Variants in FIRRM observed in about 807,000 individuals in gnomAD.
The protein encoded by FIRRM is FIGNL1-interacting regulator of recombination and mitosis.
the FIRRM span, chr1:169,850,346 G>A: frequency 6.3e-7 from 1 of 1,596,556 alleles, no homozygotes; most frequent in Non-Finnish European, 8.6e-7. Flanking sequence ...TCTGGAGAAG[G>A]TACTTTCTTT....
the FIRRM span, chr1:169,798,982 A>C: frequency 8.7e-6 from 9 of 1,030,412 alleles, no homozygotes; most frequent in African/African-American, 1.5e-4. Context: ...TTTTAACTGT[A>C]TGATGTACTT....
chr1:169,800,811 T>TACTACCAA, the FIRRM span: 1 of 649,936 alleles, frequency 1.5e-6, no homozygotes, highest in Non-Finnish European at 2.7e-6. Context: ...TATTCTTGCA[T>TACTACCAA]TTAATAAAGG....
At chr1:169,790,121 G>T in the FIRRM span, among the ~76,000 whole-genome samples, 1 of 152,174 alleles carries the variant, frequency 6.6e-6, no homozygotes, top group East Asian at 1.9e-4. Flanking sequence ...TTTGCTGCCA[G>T]CTATCTTGGG....
chr1:169,803,686 C>T, the FIRRM span, among the ~76,000 whole-genome samples: 3 of 152,066 alleles, frequency 2.0e-5, no homozygotes, highest in Non-Finnish European at 4.4e-5. Context: ...TTATTTAGTC[C>T]ATCTCTACAT....
the FIRRM span, chr1:169,852,806 C>T: frequency 1.2e-6 from 2 of 1,613,800 alleles, no homozygotes; most frequent in Non-Finnish European, 1.7e-6. Context: ...GCAAAAAGAG[C>T]TCGTCAGGAG....
chr1:169,811,941 A>G, the FIRRM span, among the ~76,000 whole-genome samples: 1 of 151,810 alleles, frequency 6.6e-6, no homozygotes, highest in African/African-American at 2.4e-5. Flanking sequence ...GAAACAAAGA[A>G]AGAAAGAAAG....
At chr1:169,804,093 T>C in the FIRRM span, 1 of 1,513,380 alleles carries the variant, frequency 6.6e-7, no homozygotes, top group Non-Finnish European at 8.8e-7. Flanking sequence ...ATCTGTGTAT[T>C]CTGGGTGTTT....
chr1:169,853,926 G>T, the FIRRM span: 1 of 817,974 alleles, frequency 1.2e-6, no homozygotes. Flanking sequence ...CTAACAGAAA[G>T]TTGAAAAGTA....
At chr1:169,801,852 A>C in the FIRRM span, among the ~76,000 whole-genome samples, 2 of 152,204 alleles carry the variant, frequency 1.3e-5, no homozygotes, top group Non-Finnish European at 2.9e-5. Flanking sequence ...GTAATCTTTC[A>C]AATTTCTTGT....
chr1:169,834,104 C>G, the FIRRM span, among the ~76,000 whole-genome samples: 1 of 151,938 alleles, frequency 6.6e-6, no homozygotes, highest in African/African-American at 2.4e-5. Context: ...AATGAATTAG[C>G]TATGAGGTCT....
At chr1:169,819,844 A>G in the FIRRM span, among the ~76,000 whole-genome samples, 15 of 152,292 alleles carry the variant, frequency 9.8e-5, 2 homozygotes, top group African/African-American at 2.4e-5. Flanking sequence ...GGTCACACAG[A>G]TATCAACCAG....
the FIRRM span, chr1:169,802,698 C>T: frequency 6.2e-7 from 1 of 1,609,898 alleles, no homozygotes; most frequent in Non-Finnish European, 8.5e-7. Context: ...ATTTGGAAAT[C>T]CAGACCACTC....
chr1:169,841,263 G>A, the FIRRM span, among the ~76,000 whole-genome samples: 1 of 152,074 alleles, frequency 6.6e-6, no homozygotes, highest in Non-Finnish European at 1.5e-5. Flanking sequence ...TTATTGATTT[G>A]CATATGTTGA....
the FIRRM span, chr1:169,795,704 G>T: frequency 1.0e-6 from 1 of 985,746 alleles, no homozygotes; most frequent in Non-Finnish European, 1.2e-6. Context: ...AAAGGGCATA[G>T]TTCTGTGGTG....
the FIRRM span, among the ~76,000 whole-genome samples, chr1:169,831,579 A>T: frequency 6.6e-6 from 1 of 152,188 alleles, no homozygotes; most frequent in African/African-American, 2.4e-5. Context: ...ATAAAGAGTG[A>T]TTTTTATGTT....
chr1:169,833,229 G>A, the FIRRM span, among the ~76,000 whole-genome samples: 1 of 152,106 alleles, frequency 6.6e-6, no homozygotes, highest in Non-Finnish European at 1.5e-5. Context: ...ACTGTTGTAG[G>A]AGCTCTTTTA....
At chr1:169,801,318 G>T in the FIRRM span, among the ~76,000 whole-genome samples, 2 of 151,960 alleles carry the variant, frequency 1.3e-5, no homozygotes, top group South Asian at 2.1e-4. Flanking sequence ...GGTGGCAGGT[G>T]CCTGTAATCC....
the FIRRM span, chr1:169,842,501 G>A: frequency 3.1e-6 from 5 of 1,613,890 alleles, 1 homozygote; most frequent in South Asian, 4.4e-5. Flanking sequence ...AATTATCGAA[G>A]TTGTGAGTCA....
the FIRRM span, chr1:169,850,589 A>C: frequency 1.8e-5 from 6 of 333,894 alleles, no homozygotes; most frequent in Non-Finnish European, 2.8e-5. Context: ...TGAGGTCAGG[A>C]GTTCAAGACC....
Sources: allele counts gnomAD v4.1 joint callset (sites outside exome capture counted in the v4.1 genomes callset), GRCh38; gene constraint gnomAD v4.1.1; transcripts MANE v1.5; gene names NCBI Gene and HGNC (gene_info 2026-07-23, HGNC 2026-07-21).